The following GPC5 variants were observed in gnomAD, a reference collection of about 807,000 sequenced individuals.
GPC5 encodes the protein glypican-5.
GPC5 carries 47 observed loss-of-function variants against 53.9 expected under a neutral mutation model. The ratio of observed to expected loss-of-function variants is 0.87; its 90% CI spans 0.69 to 1.11. The LOEUF is 1.11. Ranked by LOEUF, GPC5 falls within the 50% of genes most tolerant of loss-of-function variation. The pLI, the probability that GPC5 is intolerant of heterozygous loss-of-function variation, is 0.00. For missense variants in GPC5, 748 were observed against 713.1 expected, an observed-to-expected ratio of 1.05 and a Z score of -0.56; for synonymous variants, 286 against 263.3, an observed-to-expected ratio of 1.09 and a Z score of -0.84.
At chr13:91,937,657 T>C (rs1312874100) in intron 6 of GPC5, among the ~76,000 whole-genome samples, 1 of 152,008 alleles carries the variant, frequency 6.6e-6, no homozygotes, top group Non-Finnish European at 1.5e-5. Context: ...AGAGAGAAAA[T>C]GGATTTCCAA....
intron 2 of GPC5, among the ~76,000 whole-genome samples, chr13:91,596,030 T>G (rs1269026164): frequency 6.6e-6 from 1 of 152,234 alleles, no homozygotes; most frequent in African/African-American, 2.4e-5. Context: ...ATTTTGAATT[T>G]TGTTATTGAG....
At chr13:91,866,954 G>T (rs1175522700) in intron 5 of GPC5, among the ~76,000 whole-genome samples, 1 of 152,208 alleles carries the variant, frequency 6.6e-6, no homozygotes, top group African/African-American at 2.4e-5. Context: ...GGTGGCTCAG[G>T]CCTGTAATCA....
intron 6 of GPC5, among the ~76,000 whole-genome samples, chr13:92,142,524 A>G (rs542088037): frequency 6.6e-6 from 1 of 152,372 alleles, no homozygotes; most frequent in African/African-American, 2.4e-5. Context: ...AGAAAACAGA[A>G]TAAATGTTTT....
intron 7 of GPC5, among the ~76,000 whole-genome samples, chr13:92,250,366 A>T (rs1831464): frequency 3.9e-5 from 6 of 152,048 alleles, no homozygotes; most frequent in Non-Finnish European, 7.4e-5. Flanking sequence ...TTGAATTAAA[A>T]CCTGTAATGA....
chr13:92,815,135 G>C (rs1473683082), intron 7 of GPC5, among the ~76,000 whole-genome samples: 1 of 151,866 alleles, frequency 6.6e-6, no homozygotes, highest in Non-Finnish European at 1.5e-5. Context: ...ACTCTGATAG[G>C]TTAGATTGAC....
chr13:91,590,747 C>T (rs1164256556), intron 2 of GPC5, among the ~76,000 whole-genome samples: 3 of 152,124 alleles, frequency 2.0e-5, no homozygotes, highest in African/African-American at 7.2e-5. Flanking sequence ...TACTTCTTTC[C>T]CTTTTTACTC....
At chr13:92,716,766 C>G (rs1006255271) in intron 7 of GPC5, among the ~76,000 whole-genome samples, 3 of 152,164 alleles carry the variant, frequency 2.0e-5, no homozygotes, top group African/African-American at 4.8e-5. Context: ...AGATGAACGT[C>G]TCAGACTAGT....
Position 92,272,619 on chromosome 13 carries a change from T to G in GPC5, c.1561+127630T>G, listed in dbSNP as rs9523574. Among the ~76,000 whole-genome samples, 1,225 of 152,160 alleles carry G rather than the reference T, an allele frequency of 8.1e-3. 4 individuals are homozygous for G. Among genetic ancestry groups the G allele is most frequent in the Admixed American group, 0.011 (167 of 15,266 alleles). The stretch of plus-strand genomic sequence containing the variant: ...TGTAATTATCAGTCTCTTGCCCCAT[T>G]GTGTAATGAAAAGTTCAACCCGGGC... On this transcript the variant is annotated intron_variant, in intron 7 of 7. Transcript: ENST00000377067.
intron 7 of GPC5, among the ~76,000 whole-genome samples, chr13:92,564,336 A>T (rs1193326016): frequency 7.9e-5 from 12 of 151,996 alleles, no homozygotes; most frequent in Non-Finnish European, 1.6e-4. Context: ...AGATAATGAA[A>T]TTATACAATT....
At chr13:92,296,944 C>A (rs541063591) in intron 7 of GPC5, among the ~76,000 whole-genome samples, 1,544 of 152,300 alleles carry the variant, frequency 0.01, 27 homozygotes, top group Middle Eastern at 0.044. Context: ...GCCTGAGCCT[C>A]CCACCCCCTC....
At chr13:91,486,476 A>T (rs921460316) in intron 2 of GPC5, 3 of 152,212 alleles carry the variant, frequency 2.0e-5, no homozygotes, top group Non-Finnish European at 4.4e-5. Flanking sequence ...GGAGACCCTA[A>T]ATAATAACAC....
chr13:92,035,771 A>C (rs1188859903), intron 6 of GPC5, among the ~76,000 whole-genome samples: 2,739 of 151,470 alleles, frequency 0.018, 102 homozygotes, highest in African/African-American at 0.063. Flanking sequence ...AAAAAAACAA[A>C]AAAAACAATG....
chr13:91,409,654 C>T (rs1460604778), intron 1 of GPC5, among the ~76,000 whole-genome samples: 1 of 151,972 alleles, frequency 6.6e-6, no homozygotes, highest in African/African-American at 2.4e-5. Context: ...CTTTTCTTTT[C>T]TTTTCTTTTT....
intron 2 of GPC5, among the ~76,000 whole-genome samples, chr13:91,517,767 G>A (rs58329826): frequency 0.078 from 11,947 of 152,278 alleles, 581 homozygotes; most frequent in South Asian, 0.27. Flanking sequence ...CATGGGTGGG[G>A]AGGTCCCAGA....
intron 1 of GPC5, among the ~76,000 whole-genome samples, chr13:91,401,488 G>A (rs1178358143): frequency 6.6e-6 from 1 of 152,148 alleles, no homozygotes; most frequent in Non-Finnish European, 1.5e-5. Context: ...TTCTCCATGA[G>A]AATACAAATA....
chr13:92,655,325 ATTTAT>A (rs1173771785), intron 7 of GPC5, among the ~76,000 whole-genome samples: 1 of 136,442 alleles, frequency 7.3e-6, no homozygotes, highest in East Asian at 2.0e-4. Context: ...TTATTTATTT[ATTTAT>A]TTTATTTTTA....
intron 6 of GPC5, among the ~76,000 whole-genome samples, chr13:92,141,962 G>A (rs1465685134): frequency 1.3e-5 from 2 of 151,988 alleles, no homozygotes; most frequent in Non-Finnish European, 2.9e-5. Flanking sequence ...CACCCTCAAG[G>A]GCAGCAGCAT....
intron 7 of GPC5, among the ~76,000 whole-genome samples, chr13:92,407,545 C>T (rs1196427816): frequency 1.3e-5 from 2 of 152,108 alleles, no homozygotes; most frequent in East Asian, 1.9e-4. Context: ...AGTTTATTCT[C>T]TTAATACAAC....
At chr13:92,566,154 A>T (rs1337746455) in intron 7 of GPC5, among the ~76,000 whole-genome samples, 3 of 152,056 alleles carry the variant, frequency 2.0e-5, no homozygotes, top group Non-Finnish European at 2.9e-5. Flanking sequence ...GGAAAGGTGC[A>T]TGTCTCAGAC....
Sources: gnomAD v4.1 joint callset for allele counts (sites outside exome capture counted in the v4.1 genomes callset) on GRCh38, gnomAD v4.1.1 for gene constraint, MANE v1.5 for transcripts, NCBI Gene and HGNC (gene_info 2026-07-23, HGNC 2026-07-21) for gene names.